The following LGSN variants were observed in gnomAD, a reference collection of about 807,000 sequenced individuals.
LGSN encodes lengsin.
A neutral mutation model predicts 19.5 loss-of-function variants in LGSN; 21 were observed. The observed-to-expected ratio is 1.07, with a 90% CI of 0.76 to 1.55. LGSN has a LOEUF of 1.55. Ranked by LOEUF, LGSN falls within the 40% of genes most tolerant of loss-of-function variation. The pLI, the probability that LGSN is intolerant of heterozygous loss-of-function variation, is 0.00. For synonymous variants in LGSN, 257 were observed against 215.6 expected (o/e 1.19, Z -1.68); for missense variants, 673 against 608.5 (o/e 1.11, Z -1.12).
chr6:63,557,863 T>C, the LGSN span, among the ~76,000 whole-genome samples: 1 of 152,100 alleles, frequency 6.6e-6, no homozygotes, highest in Non-Finnish European at 1.5e-5. Flanking sequence ...CAAGATCAGA[T>C]ATGCATTTTT....
the LGSN span, among the ~76,000 whole-genome samples, chr6:63,563,563 A>G: frequency 4.6e-5 from 7 of 152,342 alleles, no homozygotes; most frequent in East Asian, 1.3e-3. Flanking sequence ...CAGATTATAA[A>G]TATATTCTAT....
the LGSN span, among the ~76,000 whole-genome samples, chr6:63,540,113 C>T: frequency 2.0e-5 from 3 of 152,242 alleles, 1 homozygote; most frequent in South Asian, 6.2e-4. Flanking sequence ...ATCCCTAAGA[C>T]ATTTTGAACA....
the LGSN span, among the ~76,000 whole-genome samples, chr6:63,368,104 A>G: frequency 6.7e-6 from 1 of 149,636 alleles, no homozygotes; most frequent in Non-Finnish European, 1.5e-5. Context: ...ATAAAAAAGA[A>G]AAAAAGAAGC....
In LGSN at chr6:63,282,871, C is replaced by T. The variant is rs570107255; in HGVS notation, c.331-1651G>A. Among the ~76,000 whole-genome samples the T allele has an allele frequency of 3.3e-5, 5 of 152,178 alleles. No homozygotes were observed. The South Asian group carries it at 1.0e-3, about 32-fold the overall frequency. ...CATGGAATCCTTTAATTCATATTTT[C>T]ACTATAAGCAATAATGTCATTTCCC... On this transcript the variant is annotated intron_variant, in intron 3 of 3. Coordinates refer to ENST00000370657, the MANE Select transcript of LGSN (RefSeq NM_016571.3).
chr6:63,563,474 A>T, the LGSN span, among the ~76,000 whole-genome samples: 3 of 152,082 alleles, frequency 2.0e-5, no homozygotes, highest in African/African-American at 7.2e-5. Flanking sequence ...TTAGATCTGG[A>T]TCTCCTGGGA....
intron 2 of LGSN, among the ~76,000 whole-genome samples, chr6:63,290,226 C>T (rs1322557867): frequency 6.6e-6 from 1 of 152,114 alleles, no homozygotes; most frequent in Non-Finnish European, 1.5e-5. Flanking sequence ...GAACTTAATA[C>T]ACCCTGAGCC....
At chr6:63,400,777 TCA>T in the LGSN span, among the ~76,000 whole-genome samples, 1 of 152,188 alleles carries the variant, frequency 6.6e-6, no homozygotes. Context: ...GTGGATCACC[TCA>T]GGTCAGGAGT....
the LGSN span, chr6:63,572,319 A>T: frequency 4.2e-6 from 1 of 235,420 alleles, no homozygotes; most frequent in East Asian, 8.2e-5. Context: ...CCATTCATCA[A>T]CCGGTTCACA....
rs1417429051 is a variant in LGSN, at chr6:63,277,625, G to GCT, written c.*2394_*2395dup. The GCT allele has an allele frequency of 1.3e-5, 2 of 151,670 alleles. No homozygotes were observed. Among genetic ancestry groups the GCT allele is most frequent in the African/African-American group, 2.4e-5 (1 of 41,284 alleles). The allele number at this position is 151,670 out of a possible 1,614,324, so 9.4% of individuals were successfully genotyped here. A position where few individuals can be genotyped will look rare whatever the true frequency, so the allele number is the denominator to read the frequency against. ...CATCTGGATGTAGGCAAGTCAAACTGCTCTACAAAGCAGAGATTCCACCTT... is the reference window on the plus strand; with the variant it reads ...CATCTGGATGTAGGCAAGTCAAACTGCTCTCTACAAAGCAGAGATTCCACCTT... On this transcript the variant is annotated 3_prime_UTR_variant, in exon 4 of 4. Coordinates refer to ENST00000370657, the MANE Select transcript of LGSN (RefSeq NM_016571.3).
chr6:63,285,769 A>G lies in LGSN; in HGVS notation c.164-16T>C, dbSNP rs1460870577. 2 of 1,611,896 alleles carry G rather than the reference A, an allele frequency of 1.2e-6. No individual in the cohort carries two copies. Among genetic ancestry groups the G allele is most frequent in the Admixed American group, 1.7e-5 (1 of 59,944 alleles). On this transcript the variant is annotated splice_polypyrimidine_tract_variant and intron_variant, in intron 2 of 3. Coordinates refer to ENST00000370657, the MANE Select transcript of LGSN (RefSeq NM_016571.3). Reference sequence around the variant, plus strand: ...CTCATGCAATCTGCAAAATAAAAAAATAGGTTCTAACTCACGAGATCATGA... The same window carrying G: ...CTCATGCAATCTGCAAAATAAAAAAGTAGGTTCTAACTCACGAGATCATGA...
At chr6:63,513,208 A>G in the LGSN span, among the ~76,000 whole-genome samples, 3 of 152,214 alleles carry the variant, frequency 2.0e-5, no homozygotes, top group African/African-American at 4.8e-5. Flanking sequence ...CAAACGAGAA[A>G]GAAATGGTAA....
At chr6:63,558,918 G>A in the LGSN span, among the ~76,000 whole-genome samples, 6 of 152,312 alleles carry the variant, frequency 3.9e-5, no homozygotes, top group Admixed American at 3.3e-4. Flanking sequence ...GTTAGATAAT[G>A]CTCCTAAAGT....
the LGSN span, chr6:63,521,693 T>C: frequency 6.6e-6 from 1 of 152,320 alleles, no homozygotes; most frequent in Non-Finnish European, 1.5e-5. Context: ...CTGCCTCCCC[T>C]ACAGTAACTC....
At chr6:63,545,314 G>A in the LGSN span, among the ~76,000 whole-genome samples, 16 of 152,194 alleles carry the variant, frequency 1.1e-4, no homozygotes, top group Non-Finnish European at 1.5e-4. Flanking sequence ...ATCTCTGGGC[G>A]TGGAAATTTC....
At chr6:63,443,489 C>A in the LGSN span, 1 of 373,746 alleles carries the variant, frequency 2.7e-6, no homozygotes, top group Non-Finnish European at 4.0e-6. Flanking sequence ...ACATTGTCAC[C>A]TCTCACCTTT....
At chr6:63,365,614 GT>G in the LGSN span, among the ~76,000 whole-genome samples, 5 of 118,140 alleles carry the variant, frequency 4.2e-5, no homozygotes, top group East Asian at 2.7e-4. Flanking sequence ...TGATACCAAA[GT>G]CTGGCAGAGA....
the LGSN span, among the ~76,000 whole-genome samples, chr6:63,373,507 A>G: frequency 6.6e-6 from 1 of 152,236 alleles, no homozygotes; most frequent in African/African-American, 2.4e-5. Context: ...ACATCAGAAC[A>G]AACTCAAATT....
At chr6:63,340,690 T>A in the LGSN span, among the ~76,000 whole-genome samples, 9 of 152,070 alleles carry the variant, frequency 5.9e-5, no homozygotes, top group African/African-American at 2.2e-4. Flanking sequence ...GATTTCCTTG[T>A]ATGGTTTATC....
At chr6:63,440,612 G>A in the LGSN span, among the ~76,000 whole-genome samples, 1 of 152,020 alleles carries the variant, frequency 6.6e-6, no homozygotes. Context: ...ATATCCATTT[G>A]TCTAAAATTA....
Sources: gnomAD v4.1 joint callset for allele counts (sites outside exome capture counted in the v4.1 genomes callset) on GRCh38, gnomAD v4.1.1 for gene constraint, MANE v1.5 for transcripts, NCBI Gene and HGNC (gene_info 2026-07-23, HGNC 2026-07-21) for gene names.